SRBD1: variants seen among roughly 807,000 people sequenced by gnomAD.
The protein encoded by SRBD1 is S1 RNA-binding domain-containing protein 1.
Under a neutral mutation model 115.3 loss-of-function variants are expected in SRBD1, and 88 were observed. That is an observed-to-expected ratio of 0.76 (90% CI 0.64 to 0.91). The LOEUF (loss-of-function observed/expected upper bound fraction) is 0.91. Ranked by LOEUF, SRBD1 falls within the 40% of genes least tolerant of loss-of-function variation. SRBD1 has a pLI of 0.00. For synonymous variants in SRBD1, 509 were observed against 407.7 expected (o/e 1.25, Z -2.99); for missense variants, 1,385 against 1,177.4 (o/e 1.18, Z -2.58).
At chr2:45,545,948 T>C (rs1025274401) in intron 14 of SRBD1, among the ~76,000 whole-genome samples, 2 of 152,256 alleles carry the variant, frequency 1.3e-5, no homozygotes, top group African/African-American at 4.8e-5. Flanking sequence ...AGTCACCTGC[T>C]CATCAGTCAA....
intron 14 of SRBD1, among the ~76,000 whole-genome samples, chr2:45,529,553 T>A (rs1391350662): frequency 6.6e-6 from 1 of 151,824 alleles, no homozygotes; most frequent in Non-Finnish European, 1.5e-5. Flanking sequence ...AAAATTTTAT[T>A]AAAATAGAAA....
intron 14 of SRBD1, among the ~76,000 whole-genome samples, chr2:45,501,377 C>T (rs1442919319): frequency 5.9e-5 from 9 of 152,162 alleles, no homozygotes; most frequent in African/African-American, 1.2e-4. Context: ...CCTGCGTGAG[C>T]GACACAGAAC....
At position 45,569,762 on chromosome 2, in the gene SRBD1, G is replaced by C. The variant is rs547684651; in HGVS notation, c.1305+3445C>G. On this transcript the variant is annotated intron_variant, in intron 9 of 20. Transcript: ENST00000263736. Reference sequence around the variant, plus strand: ...CACCTCTTTGCATTTCTAGGAGACAGAGAATTATACTGGCATCAGATTTCT... The same window carrying C: ...CACCTCTTTGCATTTCTAGGAGACACAGAATTATACTGGCATCAGATTTCT... Among the ~76,000 whole-genome samples, 231 of 152,236 alleles carry C rather than the reference G, an allele frequency of 1.5e-3. 1 individual carries two copies. Among genetic ancestry groups the C allele is most frequent in the African/African-American group, 5.5e-3 (228 of 41,540 alleles).
intron 14 of SRBD1, among the ~76,000 whole-genome samples, chr2:45,515,665 T>C (rs1671097063): frequency 6.6e-6 from 1 of 152,172 alleles, no homozygotes; most frequent in East Asian, 1.9e-4. Context: ...AACCCCTAAC[T>C]GATCACTATG....
chr2:45,520,687 G>A (rs1040684029), intron 14 of SRBD1, among the ~76,000 whole-genome samples: 3 of 152,194 alleles, frequency 2.0e-5, no homozygotes, highest in African/African-American at 7.2e-5. Flanking sequence ...AGAAAGAGGA[G>A]AGAAGGAGCA....
chr2:45,441,334 C>G (rs1054408097), intron 16 of SRBD1, among the ~76,000 whole-genome samples: 3 of 152,232 alleles, frequency 2.0e-5, no homozygotes, highest in African/African-American at 7.2e-5. Context: ...CTGCAAAACT[C>G]TGCCTCCCAT....
chr2:45,424,499 AC>A (rs1668095544), intron 16 of SRBD1, among the ~76,000 whole-genome samples: 1 of 152,192 alleles, frequency 6.6e-6, no homozygotes, highest in Non-Finnish European at 1.5e-5. Context: ...AAATTCATGA[AC>A]AGCCCATATC....
intron 16 of SRBD1, 87 bp from the exon 17 acceptor site, chr2:45,419,981 G>T: frequency 8.7e-7 from 1 of 1,155,032 alleles, no homozygotes; most frequent in Non-Finnish European, 1.3e-6. Context: ...CTGGTGGTTA[G>T]CTAACACACA....
Position 45,574,736 on chromosome 2 carries a change from G to C in SRBD1, c.1073-13C>G. 1 of 1,588,280 alleles carries C rather than the reference G, an allele frequency of 6.3e-7. No homozygotes were observed. Among genetic ancestry groups the C allele is most frequent in the Non-Finnish European group, 8.5e-7 (1 of 1,171,868 alleles). ...AGCGTTGAAAGCCCTTTAGGAGAAG[G>C]GTAAAAAGGAAAACAAAAACAAAAA... On this transcript the variant is annotated splice_polypyrimidine_tract_variant and intron_variant, in intron 7 of 20. Transcript: ENST00000263736.
At chr2:45,449,628 G>A (rs1276079287) in intron 16 of SRBD1, among the ~76,000 whole-genome samples, 1 of 152,040 alleles carries the variant, frequency 6.6e-6, no homozygotes, top group African/African-American at 2.4e-5. Flanking sequence ...TATAATTTTG[G>A]CCAATATTTC....
chr2:45,475,067 T>C (rs1669766051), intron 16 of SRBD1, among the ~76,000 whole-genome samples: 1 of 152,228 alleles, frequency 6.6e-6, no homozygotes, highest in Non-Finnish European at 1.5e-5. Flanking sequence ...ATCCAACTCC[T>C]ACTTGACATC....
At chr2:45,397,512 C>T (rs962718603) in intron 19 of SRBD1, among the ~76,000 whole-genome samples, 1 of 152,182 alleles carries the variant, frequency 6.6e-6, no homozygotes, top group Non-Finnish European at 1.5e-5. Flanking sequence ...GATTAGCTTA[C>T]AGAAGGAGTG....
At position 45,551,140 on chromosome 2, in the gene SRBD1, T is replaced by C; in HGVS notation, c.1660A>G (p.Ile554Val). 1.9e-6 allele frequency: 3 copies of C among 1,594,562 alleles called. No homozygotes were observed. Among genetic ancestry groups the C allele is most frequent in the East Asian group, 2.2e-5 (1 of 44,680 alleles). ...GACAACTTACTAGTAGGAGAAATTATAGCTAATTTGCAACCATGTTTATAA... is the reference window on the plus strand; with the variant it reads ...GACAACTTACTAGTAGGAGAAATTACAGCTAATTTGCAACCATGTTTATAA... ...PGYKHGCKLA[I>V]ISPTSQILHT... Residue 554 changes from isoleucine to valine, a missense_variant, in exon 12 of 21, where the codon ATA becomes GTA. By Grantham distance (29) the Ile-to-Val change is conservative. Transcript: ENST00000263736.
chr2:45,432,499 C>A (rs1200024531), intron 16 of SRBD1, among the ~76,000 whole-genome samples: 1 of 152,120 alleles, frequency 6.6e-6, no homozygotes, highest in Non-Finnish European at 1.5e-5. Flanking sequence ...GCAAGTTGGG[C>A]TATGTGTTGA....
intron 19 of SRBD1, among the ~76,000 whole-genome samples, chr2:45,411,878 A>T (rs891437990): frequency 9.2e-5 from 14 of 152,324 alleles, no homozygotes; most frequent in African/African-American, 2.9e-4. Context: ...TGGGAGGCCA[A>T]GGTGGGTGGA....
At chr2:45,580,979 A>G (rs952460603) in intron 6 of SRBD1, among the ~76,000 whole-genome samples, 20 of 152,012 alleles carry the variant, frequency 1.3e-4, no homozygotes, top group Non-Finnish European at 2.1e-4. Context: ...CACCGCGCCC[A>G]GCCAATTCTT....
intron 14 of SRBD1, among the ~76,000 whole-genome samples, chr2:45,526,152 G>A (rs544109490): frequency 1.5e-4 from 23 of 151,990 alleles, no homozygotes; most frequent in African/African-American, 4.8e-4. Context: ...ACTTGTACAC[G>A]AATGTTTACA....
At position 45,599,506 on chromosome 2, in the gene SRBD1, A is replaced by C; in HGVS notation, c.591T>G (p.Phe197Leu). Residue 197 changes from phenylalanine to leucine, a missense_variant, in exon 4 of 21, where the codon TTT (phenylalanine) becomes TTG (leucine). By Grantham distance (22) the Phe-to-Leu change is conservative. Coordinates refer to ENST00000263736, the MANE Select transcript of SRBD1 (RefSeq NM_018079.5). Reference protein sequence around the residue: ...ETYPQGQPVKFPANANSTKEE... With the variant: ...ETYPQGQPVKLPANANSTKEE... ...CTTTAGTACTATTGGCATTTGCTGGAAACTTGACAGGCTGCCCCTGAGGAT... is the reference window on the plus strand; with the variant it reads ...CTTTAGTACTATTGGCATTTGCTGGCAACTTGACAGGCTGCCCCTGAGGAT... 6.2e-7 allele frequency: 1 copy of C among 1,614,228 alleles called. No individual in the cohort carries two copies.
intron 1 of SRBD1, among the ~76,000 whole-genome samples, chr2:45,607,235 T>C (rs1051389578): frequency 6.6e-6 from 1 of 152,066 alleles, no homozygotes; most frequent in Non-Finnish European, 1.5e-5. Context: ...CACAACAAAA[T>C]AAGAATGGAG....
Sources: allele counts gnomAD v4.1 joint callset (sites outside exome capture counted in the v4.1 genomes callset), GRCh38; gene constraint gnomAD v4.1.1; transcripts MANE v1.5; gene names NCBI Gene and HGNC (gene_info 2026-07-23, HGNC 2026-07-21).